The following GRK5 variants were observed in gnomAD, a reference collection of about 807,000 sequenced individuals.
GRK5 encodes g protein-coupled receptor kinase GRK5.
Under a neutral mutation model 78.4 loss-of-function variants are expected in GRK5, and 40 were observed. The observed-to-expected ratio is 0.51, with a 90% confidence interval of 0.40 to 0.66. The LOEUF (loss-of-function observed/expected upper bound fraction) is 0.66, where lower values mean the gene tolerates loss of function less well. Among genes scored for constraint, GRK5 ranks in the 30% least tolerant of loss-of-function variants. The probability of loss-of-function intolerance (pLI) is 0.00; values close to 1 mark genes in which losing one functional copy is unlikely to be tolerated. For synonymous variants in GRK5, 289 were observed against 296.8 expected (o/e 0.97, Z 0.27); for missense variants, 598 against 759.9 (o/e 0.79, Z 2.50).
intron 2 of GRK5, among the ~76,000 whole-genome samples, chr10:119,355,484 T>C (rs1357137658): frequency 1.3e-5 from 2 of 152,180 alleles, no homozygotes; most frequent in Non-Finnish European, 2.9e-5. Flanking sequence ...ATAACCCACA[T>C]AAATAAAAGC....
intron 11 of GRK5, 101 bp downstream of exon 11, chr10:119,442,189 A>G (rs1853051603): frequency 1.1e-6 from 1 of 884,330 alleles, no homozygotes; most frequent in South Asian, 1.4e-5. Flanking sequence ...TCGCCTCTTC[A>G]TGCACTGCTG....
chr10:119,393,596 C>T (rs11198905), intron 3 of GRK5, among the ~76,000 whole-genome samples: 37,068 of 152,128 alleles, frequency 0.24, 4,581 homozygotes, highest in East Asian at 0.38. Context: ...TACATTCCCA[C>T]GGTGCCGGAC....
intron 2 of GRK5, among the ~76,000 whole-genome samples, chr10:119,341,824 T>C (rs1850986291): frequency 6.6e-6 from 1 of 152,188 alleles, no homozygotes; most frequent in Non-Finnish European, 1.5e-5. Flanking sequence ...GGGTCTTATT[T>C]TTCTCTCTGA....
chr10:119,217,642 T>C lies in GRK5; in HGVS notation c.52+9673T>C, dbSNP rs1848596012. Among the ~76,000 whole-genome samples the C allele has an allele frequency of 6.6e-6, 1 of 152,192 alleles. No homozygotes were observed. Among genetic ancestry groups the C allele is most frequent in the Non-Finnish European group, 1.5e-5 (1 of 68,010 alleles). ...TGGGTGGTGGTGGTGGGGACAGTCA[T>C]GGGAGTTTAGGTGTGGGCCACATCA... On this transcript the variant is annotated intron_variant, in intron 1 of 15. Coordinates refer to ENST00000392870, the MANE Select transcript of GRK5 (RefSeq NM_005308.3). The surrounding 1 kb of genome is among the most constrained non-coding windows in gnomAD (Gnocchi z 4.1).
intron 2 of GRK5, among the ~76,000 whole-genome samples, chr10:119,356,731 A>C (rs1405957394): frequency 6.6e-6 from 1 of 152,216 alleles, no homozygotes. Context: ...AACAACAACA[A>C]AACAGAACTG....
At chr10:119,407,445 A>G (rs1471415244) in intron 4 of GRK5, among the ~76,000 whole-genome samples, 1 of 152,224 alleles carries the variant, frequency 6.6e-6, no homozygotes, top group Non-Finnish European at 1.5e-5. Flanking sequence ...CTTTTTCTTT[A>G]AGCCAGTAAG....
At chr10:119,356,106 C>T (rs12770361) in intron 2 of GRK5, among the ~76,000 whole-genome samples, 5,893 of 152,230 alleles carry the variant, frequency 0.039, 169 homozygotes, top group Non-Finnish European at 0.059. Flanking sequence ...CATTAGACAG[C>T]GACACCTAAT....
At chr10:119,437,506 AT>A (rs1457558082) in intron 9 of GRK5, among the ~76,000 whole-genome samples, 1 of 152,184 alleles carries the variant, frequency 6.6e-6, no homozygotes. Flanking sequence ...AATAGTGGCA[AT>A]TTTTGATATA....
chr10:119,381,227 C>T (rs1165475068), intron 3 of GRK5, among the ~76,000 whole-genome samples: 3 of 152,222 alleles, frequency 2.0e-5, no homozygotes. Flanking sequence ...GAGGCAGTGC[C>T]TGGGGAAGTT....
intron 2 of GRK5, among the ~76,000 whole-genome samples, chr10:119,380,275 A>G (rs758895648): frequency 3.3e-5 from 5 of 152,074 alleles, no homozygotes; most frequent in African/African-American, 4.8e-5. Flanking sequence ...TACTTCTTCT[A>G]ATTTCCCAGC....
At chr10:119,255,514 G>T (rs1419134753) in intron 1 of GRK5, among the ~76,000 whole-genome samples, 2 of 152,138 alleles carry the variant, frequency 1.3e-5, no homozygotes, top group Non-Finnish European at 2.9e-5. Flanking sequence ...CACTGGCGTG[G>T]ACTCTTCCCC....
intron 2 of GRK5, among the ~76,000 whole-genome samples, chr10:119,337,938 A>G (rs1023556476): frequency 2.0e-5 from 3 of 151,988 alleles, no homozygotes; most frequent in African/African-American, 7.2e-5. Flanking sequence ...CCCCTTTTTC[A>G]TGAGGACACC....
rs545196269 is a variant in GRK5, at chr10:119,281,611, C to T, written c.53-44905C>T. The stretch of plus-strand genomic sequence containing the variant: ...TCTTCTTCACAGGGAGGGATCTGGC[C>T]GACCTCGGGTCTTAGCACGGCTGAG... On this transcript the variant is annotated intron_variant, in intron 1 of 15. Coordinates refer to ENST00000392870, the MANE Select transcript of GRK5 (RefSeq NM_005308.3). 4.3e-4 allele frequency among the ~76,000 whole-genome samples: 65 copies of T among 152,318 alleles called. No homozygotes were observed. The Middle Eastern group carries it at 0.01, about 24-fold the overall frequency.
intron 1 of GRK5, among the ~76,000 whole-genome samples, chr10:119,325,577 C>T (rs1225223995): frequency 6.6e-6 from 1 of 152,176 alleles, no homozygotes; most frequent in South Asian, 2.1e-4. Context: ...GGTGGCTAAG[C>T]GCCACTGTAA....
chr10:119,254,420 A>G (rs960155205), intron 1 of GRK5, among the ~76,000 whole-genome samples: 2 of 152,146 alleles, frequency 1.3e-5, no homozygotes, highest in Non-Finnish European at 2.9e-5. Flanking sequence ...TATTCATTCA[A>G]CAACTCTGGG....
At position 119,280,956 on chromosome 10, in the gene GRK5, T is replaced by C. The variant is rs567558430; in HGVS notation, c.53-45560T>C. 7.2e-4 allele frequency among the ~76,000 whole-genome samples: 109 copies of C among 152,042 alleles called. 1 individual carries two copies. The highest frequency in any genetic ancestry group is 1.5e-3 in the Non-Finnish European group (99 of 67,986). ...CACCACGCCCAGCTAATTTTTGTAT[T>C]TTTAGTAGAGACGGGGTTTCATCAT... On this transcript the variant is annotated intron_variant, in intron 1 of 15. Coordinates refer to ENST00000392870, the MANE Select transcript of GRK5 (RefSeq NM_005308.3).
intron 1 of GRK5, among the ~76,000 whole-genome samples, chr10:119,220,507 C>G (rs1006345704): frequency 2.6e-5 from 4 of 152,072 alleles, no homozygotes; most frequent in Non-Finnish European, 4.4e-5. Flanking sequence ...TATCATGGTC[C>G]TTGGTATTTT....
chr10:119,340,772 T>C (rs1850968912), intron 2 of GRK5, among the ~76,000 whole-genome samples: 1 of 152,216 alleles, frequency 6.6e-6, no homozygotes, highest in Non-Finnish European at 1.5e-5. Context: ...GATTTGCTCG[T>C]CTTTAAAATG....
At chr10:119,362,260 A>C (rs989735898) in intron 2 of GRK5, among the ~76,000 whole-genome samples, 2 of 152,208 alleles carry the variant, frequency 1.3e-5, no homozygotes, top group African/African-American at 4.8e-5. Flanking sequence ...GTCCCTTGTA[A>C]GTAAGTCAGT....
Sources: gnomAD v4.1 joint callset for allele counts (sites outside exome capture counted in the v4.1 genomes callset) on GRCh38, gnomAD v4.1.1 for gene constraint, Gnocchi (gnomAD v3.1) non-coding constraint, MANE v1.5 for transcripts, NCBI Gene and HGNC (gene_info 2026-07-23, HGNC 2026-07-21) for gene names.